The following TEC variants were observed in gnomAD, a reference collection of about 807,000 sequenced individuals.
The protein encoded by TEC is tec protein tyrosine kinase, also known as tyrosine-protein kinase Tec.
TEC carries 72 observed loss-of-function variants against 93.0 expected under a neutral mutation model. That is an observed-to-expected ratio of 0.77 (90% CI 0.64 to 0.94). TEC has a LOEUF of 0.94. TEC is among the 40% of genes least tolerant of loss of function. TEC has a pLI of 0.00. For missense variants in TEC, 630 were observed against 757.9 expected, an observed-to-expected ratio of 0.83 and a Z score of 1.98; for synonymous variants, 249 against 247.7, an observed-to-expected ratio of 1.01 and a Z score of -0.05.
At chr4:48,212,045 G>C (rs1399427494) in intron 2 of TEC, among the ~76,000 whole-genome samples, 1 of 143,452 alleles carries the variant, frequency 7.0e-6, no homozygotes, top group Non-Finnish European at 1.5e-5. Flanking sequence ...GCTACAGCAA[G>C]CAGAGATCAT....
chr4:48,185,790 C>T (rs1392616525), intron 2 of TEC, among the ~76,000 whole-genome samples: 3 of 20,052 alleles, frequency 1.5e-4, no homozygotes, highest in Non-Finnish European at 3.0e-4. Context: ...CCTCTCCCTC[C>T]CCCTCCCCCT....
chr4:48,139,502 CA>C (rs892820619), intron 15 of TEC, among the ~76,000 whole-genome samples: 3 of 151,230 alleles, frequency 2.0e-5, no homozygotes, highest in East Asian at 1.9e-4. Context: ...ATAGCAAATG[CA>C]AAAAAACAAA....
At chr4:48,243,669 T>C (rs1440137393) in intron 1 of TEC, among the ~76,000 whole-genome samples, 1 of 152,180 alleles carries the variant, frequency 6.6e-6, no homozygotes, top group African/African-American at 2.4e-5. Flanking sequence ...AACAATTTCA[T>C]TACCATGTGA....
At position 48,170,303 on chromosome 4, in the gene TEC, A is replaced by G; in HGVS notation, c.399T>C (p.Cys133=). The change falls in exon 5 of 18, where the codon TGT becomes TGC. Residue 133 remains cysteine (C), a synonymous_variant. Transcript: ENST00000381501. ...KFWTDGSYQC[C]RQTEKLAPGC... ...CGGGTGCTAATTTTTCAGTTTGTCT[A>G]CAACACTGATAACTTCCATCTGTCC... is the stretch of plus-strand genomic sequence containing the variant. 1 of 1,575,666 alleles carries G rather than the reference A, an allele frequency of 6.3e-7. No individual in the cohort carries two copies. Among genetic ancestry groups the G allele is most frequent in the South Asian group, 1.1e-5 (1 of 89,178 alleles).
chr4:48,162,410 T>C (rs1187330436), intron 8 of TEC, among the ~76,000 whole-genome samples: 2 of 152,196 alleles, frequency 1.3e-5, no homozygotes, highest in East Asian at 3.8e-4. Context: ...TGAAATCACA[T>C]GAGTCATAAA....
At chr4:48,149,426 C>T in intron 11 of TEC, 131 bp downstream of exon 11, 3 of 871,086 alleles carry the variant, frequency 3.4e-6, no homozygotes, top group East Asian at 2.9e-5. Flanking sequence ...CTTTAATATG[C>T]AGTAATTTAA....
At chr4:48,250,999 T>C (rs928580566) in intron 1 of TEC, among the ~76,000 whole-genome samples, 4 of 152,234 alleles carry the variant, frequency 2.6e-5, no homozygotes, top group African/African-American at 7.2e-5. Context: ...ATCCTCCTAA[T>C]GGGTCTCAGT....
In TEC at chr4:48,136,648, G is replaced by A. The variant is rs1032004704; in HGVS notation, c.*768C>T. 3.9e-5 allele frequency: 6 copies of A among 152,090 alleles called. No homozygotes were observed. The highest frequency in any genetic ancestry group is 1.4e-4 in the African/African-American group (6 of 41,402). The allele number at this position is 152,090 out of a possible 1,614,324, so 9.4% of individuals were successfully genotyped here. On this transcript the variant is annotated 3_prime_UTR_variant, in exon 18 of 18. Transcript: ENST00000381501. ...GACACATTTACCTGAGTGAGGAGGG[G>A]GCGTTACTCATAGAAGAATCTAGAC...
intron 11 of TEC, among the ~76,000 whole-genome samples, chr4:48,149,144 C>A (rs907124174): frequency 8.5e-5 from 13 of 152,110 alleles, no homozygotes; most frequent in African/African-American, 3.1e-4. Flanking sequence ...CCCACATGCA[C>A]GTGTCTTTAT....
chr4:48,249,708 G>A (rs1293064387), intron 1 of TEC, among the ~76,000 whole-genome samples: 2 of 152,190 alleles, frequency 1.3e-5, no homozygotes, highest in African/African-American at 2.4e-5. Flanking sequence ...ACCCTGAGCT[G>A]AAATGTCTCA....
At chr4:48,159,311 C>T (rs1271340955) in intron 8 of TEC, among the ~76,000 whole-genome samples, 1 of 152,182 alleles carries the variant, frequency 6.6e-6, no homozygotes, top group East Asian at 1.9e-4. Flanking sequence ...CTTCCACTCA[C>T]GTCCGAAGAT....
intron 2 of TEC, among the ~76,000 whole-genome samples, chr4:48,179,170 A>T (rs538049671): frequency 3.2e-4 from 49 of 151,782 alleles, no homozygotes; most frequent in African/African-American, 1.1e-3. Flanking sequence ...TCATTTCCTG[A>T]GCTTGTAGCC....
intron 11 of TEC, among the ~76,000 whole-genome samples, chr4:48,149,043 C>G (rs1479641974): frequency 1.3e-5 from 2 of 152,098 alleles, no homozygotes; most frequent in Non-Finnish European, 2.9e-5. Flanking sequence ...CATGGTGTAT[C>G]TGTACCAGAT....
At chr4:48,189,409 C>G (rs1722013147) in intron 2 of TEC, among the ~76,000 whole-genome samples, 1 of 152,240 alleles carries the variant, frequency 6.6e-6, no homozygotes, top group African/African-American at 2.4e-5. Flanking sequence ...CACTAACTCT[C>G]AGCCACCTCT....
At chr4:48,209,614 A>G (rs1248254956) in intron 2 of TEC, among the ~76,000 whole-genome samples, 1 of 152,098 alleles carries the variant, frequency 6.6e-6, no homozygotes, top group Non-Finnish European at 1.5e-5. Context: ...CTTTGTCTCA[A>G]AAAAAATAGA....
intron 9 of TEC, among the ~76,000 whole-genome samples, chr4:48,153,220 C>CAA (rs530426762): frequency 7.5e-6 from 1 of 133,110 alleles, no homozygotes; most frequent in African/African-American, 2.7e-5. Flanking sequence ...AACTTCAAGC[C>CAA]AAAAAAAAAA....
intron 1 of TEC, among the ~76,000 whole-genome samples, chr4:48,237,826 T>C (rs1031888572): frequency 6.6e-6 from 1 of 152,218 alleles, no homozygotes; most frequent in African/African-American, 2.4e-5. Context: ...ATGACAAAGT[T>C]ACCATTTGCA....
At chr4:48,165,222 A>G (rs1463394244) in intron 7 of TEC, among the ~76,000 whole-genome samples, 1 of 152,198 alleles carries the variant, frequency 6.6e-6, no homozygotes. Context: ...AACCAAATAT[A>G]TAAGTATCCA....
intron 11 of TEC, among the ~76,000 whole-genome samples, chr4:48,147,094 G>T (rs1719947436): frequency 6.6e-6 from 1 of 152,088 alleles, no homozygotes; most frequent in East Asian, 1.9e-4. Flanking sequence ...TATGTTTGTT[G>T]AATGAATTGA....
Sources: gnomAD v4.1 joint callset for allele counts (sites outside exome capture counted in the v4.1 genomes callset) on GRCh38, gnomAD v4.1.1 for gene constraint, MANE v1.5 for transcripts, NCBI Gene and HGNC (gene_info 2026-07-23, HGNC 2026-07-21) for gene names.